Variants in ROBO1 observed in about 807,000 individuals in gnomAD.
The protein encoded by ROBO1 is roundabout homolog 1.
A neutral mutation model predicts 195.9 loss-of-function variants in ROBO1; 149 were observed. The observed-to-expected ratio is 0.76, with a 90% CI of 0.67 to 0.87. ROBO1 has a LOEUF of 0.87. Among genes scored for constraint, ROBO1 ranks in the 40% least tolerant of loss-of-function variants. ROBO1 has a pLI of 0.00. For synonymous variants in ROBO1, 816 were observed against 733.2 expected (o/e 1.11, Z -1.82); for missense variants, 1,933 against 2,068.3 (o/e 0.93, Z 1.27).
chr3:78,727,397 C>A (rs182860923), intron 5 of ROBO1, among the ~76,000 whole-genome samples: 5 of 152,074 alleles, frequency 3.3e-5, no homozygotes, highest in African/African-American at 9.7e-5. Flanking sequence ...GAGGCCGAGG[C>A]GGGCGGATCA....
At chr3:79,166,567 T>TTTTTTTA (rs2081068669) in intron 2 of ROBO1, among the ~76,000 whole-genome samples, 3 of 149,874 alleles carry the variant, frequency 2.0e-5, no homozygotes, top group African/African-American at 7.5e-5. Flanking sequence ...TTTCTTTTTT[T>TTTTTTTA]TTTTTTTTTT....
intron 1 of ROBO1, among the ~76,000 whole-genome samples, chr3:79,592,484 A>C (rs192692524): frequency 6.6e-6 from 1 of 152,006 alleles, no homozygotes; most frequent in Non-Finnish European, 1.5e-5. Context: ...TGGGAATTGC[A>C]TTATTAGCTA....
intron 2 of ROBO1, among the ~76,000 whole-genome samples, chr3:79,577,730 ACACACAC>A (rs1943535722): frequency 8.7e-6 from 1 of 114,888 alleles, no homozygotes; most frequent in Non-Finnish European, 1.9e-5. Context: ...ACACACACAC[ACACACAC>A]ACACACACAC....
chr3:78,667,190 T>G (rs2107697743), intron 14 of ROBO1, among the ~76,000 whole-genome samples: 1 of 152,256 alleles, frequency 6.6e-6, no homozygotes, highest in Non-Finnish European at 1.5e-5. Flanking sequence ...AATACAATTA[T>G]AATATGATTA....
intron 5 of ROBO1, among the ~76,000 whole-genome samples, chr3:78,743,333 C>A (rs1008107286): frequency 6.6e-6 from 1 of 152,050 alleles, no homozygotes; most frequent in Non-Finnish European, 1.5e-5. Flanking sequence ...TAATCCTCAT[C>A]ATTACTCCAT....
intron 2 of ROBO1, among the ~76,000 whole-genome samples, chr3:79,525,048 A>T (rs1373578789): frequency 6.6e-6 from 1 of 151,878 alleles, no homozygotes; most frequent in African/African-American, 2.4e-5. Flanking sequence ...TGTCATAAAA[A>T]TTCTCAAACT....
intron 3 of ROBO1, among the ~76,000 whole-genome samples, chr3:79,030,567 G>A (rs1276170685): frequency 6.6e-6 from 1 of 151,986 alleles, no homozygotes; most frequent in Non-Finnish European, 1.5e-5. Context: ...CTACTATATG[G>A]GAGAGTACTG....
chr3:78,762,807 T>A (rs994033551), intron 4 of ROBO1, among the ~76,000 whole-genome samples: 1 of 152,204 alleles, frequency 6.6e-6, no homozygotes, highest in Admixed American at 6.5e-5. Flanking sequence ...CATTTCAATA[T>A]TTAAAATGAT....
chr3:79,457,757 T>A (rs1041214691), intron 2 of ROBO1, among the ~76,000 whole-genome samples: 2 of 152,184 alleles, frequency 1.3e-5, no homozygotes, highest in Non-Finnish European at 2.9e-5. Context: ...GTTCCTCCTT[T>A]GCCTTCCACC....
intron 4 of ROBO1, among the ~76,000 whole-genome samples, chr3:78,798,460 C>A (rs563333830): frequency 8.5e-5 from 13 of 152,164 alleles, no homozygotes; most frequent in Non-Finnish European, 1.9e-4. Context: ...ACCAAAGCCA[C>A]AAGCTTAATA....
chr3:78,843,807 G>A (rs541432230), intron 4 of ROBO1, among the ~76,000 whole-genome samples: 21 of 152,112 alleles, frequency 1.4e-4, no homozygotes, highest in African/African-American at 3.1e-4. Context: ...GAATTATCAC[G>A]TGGTGGACCT....
intron 4 of ROBO1, among the ~76,000 whole-genome samples, chr3:78,890,004 C>G (rs1032463106): frequency 1.1e-4 from 16 of 151,988 alleles, no homozygotes; most frequent in Non-Finnish European, 2.4e-4. Context: ...TGTCTCTATC[C>G]CACTGCACTC....
intron 3 of ROBO1, among the ~76,000 whole-genome samples, chr3:79,021,498 C>T (rs532506668): frequency 2.6e-4 from 40 of 152,136 alleles, no homozygotes; most frequent in Admixed American, 4.6e-4. Context: ...CATTGTTCCC[C>T]CAAATGGATC....
intron 3 of ROBO1, among the ~76,000 whole-genome samples, chr3:78,955,327 C>T (rs1349840368): frequency 2.0e-5 from 3 of 151,958 alleles, no homozygotes; most frequent in South Asian, 2.1e-4. Flanking sequence ...AAGCATGGTA[C>T]CTGACATGTA....
chr3:79,240,620 T>G (rs2108878611), intron 2 of ROBO1, among the ~76,000 whole-genome samples: 1 of 152,210 alleles, frequency 6.6e-6, no homozygotes, highest in South Asian at 2.1e-4. Context: ...TTGCTACCAC[T>G]TACACAGATA....
At chr3:78,911,836 G>A (rs1186150685) in intron 4 of ROBO1, among the ~76,000 whole-genome samples, 1 of 151,918 alleles carries the variant, frequency 6.6e-6, no homozygotes, top group Admixed American at 6.6e-5. Flanking sequence ...ATTCTATAAC[G>A]CAAAGCAGGC....
At chr3:79,723,155 G>C (rs376899809) in intron 1 of ROBO1, among the ~76,000 whole-genome samples, 6 of 152,064 alleles carry the variant, frequency 3.9e-5, no homozygotes, top group Non-Finnish European at 8.8e-5. Context: ...CACCATTCCC[G>C]TGACAATGTT....
chr3:79,693,243 T>C (rs1318975888), intron 1 of ROBO1, among the ~76,000 whole-genome samples: 2 of 151,852 alleles, frequency 1.3e-5, no homozygotes, highest in Non-Finnish European at 2.9e-5. Flanking sequence ...TCATCTTTTA[T>C]AGCATACATA....
intron 2 of ROBO1, among the ~76,000 whole-genome samples, chr3:79,499,248 G>A (rs529558738): frequency 6.6e-6 from 1 of 152,250 alleles, no homozygotes; most frequent in South Asian, 2.1e-4. Context: ...ACCCACCTTG[G>A]CCTCCCAAAG....
Sources: gnomAD v4.1 joint callset for allele counts (sites outside exome capture counted in the v4.1 genomes callset) on GRCh38, gnomAD v4.1.1 for gene constraint, MANE v1.5 for transcripts, NCBI Gene and HGNC (gene_info 2026-07-23, HGNC 2026-07-21) for gene names.